GRK3: variants seen among roughly 807,000 people sequenced by gnomAD.
The protein encoded by GRK3 is adrenergic, beta, receptor kinase 2.
Under a neutral mutation model 95.7 loss-of-function variants are expected in GRK3, and 54 were observed. The observed-to-expected ratio is 0.56, with a 90% CI of 0.45 to 0.71. GRK3 has a LOEUF of 0.71. Among genes scored for constraint, GRK3 ranks in the 30% least tolerant of loss-of-function variants. The pLI is 0.00. For synonymous variants in GRK3, 281 were observed against 290.8 expected (o/e 0.97, Z 0.34); for missense variants, 649 against 851.2 (o/e 0.76, Z 2.96).
intron 1 of GRK3, among the ~76,000 whole-genome samples, chr22:25,588,704 G>T (rs1300760479): frequency 6.6e-6 from 1 of 151,842 alleles, no homozygotes; most frequent in Admixed American, 6.6e-5. Context: ...TCATTAAAAA[G>T]AATCTTTTGG....
chr22:25,659,161 G>C (rs2084893304), intron 3 of GRK3, among the ~76,000 whole-genome samples: 1 of 152,150 alleles, frequency 6.6e-6, no homozygotes, highest in Non-Finnish European at 1.5e-5. Context: ...AAGCAGAGGA[G>C]AGGAACTACC....
intron 3 of GRK3, among the ~76,000 whole-genome samples, chr22:25,650,841 C>T (rs1297569510): frequency 1.3e-5 from 2 of 152,140 alleles, no homozygotes; most frequent in African/African-American, 2.4e-5. Flanking sequence ...GGCTTTTATG[C>T]AAAACATTTT....
chr22:25,652,243 G>C (rs1470600355), intron 3 of GRK3, among the ~76,000 whole-genome samples: 4 of 152,016 alleles, frequency 2.6e-5, no homozygotes. Context: ...GACCATCCTG[G>C]CTAACACAGT....
rs373459746 is a variant in GRK3, at chr22:25,602,360, T to A, written c.114-2017T>A. ...GGATGTGGAACAACTGGAACTATCA[T>A]ACATTGTTGGTGGGATTGTAAAATG... On this transcript the variant is annotated intron_variant, in intron 1 of 20. Coordinates refer to ENST00000324198, the MANE Select transcript of GRK3 (RefSeq NM_005160.4). Among the ~76,000 whole-genome samples, 105 of 152,358 alleles carry A rather than the reference T, an allele frequency of 6.9e-4. 3 individuals carry two copies. In the South Asian group the frequency reaches 0.022, roughly 32 times the overall value.
intron 12 of GRK3, among the ~76,000 whole-genome samples, chr22:25,692,868 A>G (rs2085176308): frequency 6.6e-6 from 1 of 152,208 alleles, no homozygotes; most frequent in African/African-American, 2.4e-5. Flanking sequence ...TATTTAGTAC[A>G]AGACGGAAGA....
chr22:25,644,322 C>T lies in GRK3; in HGVS notation c.191-270C>T, dbSNP rs749903139. Among the ~76,000 whole-genome samples the T allele has an allele frequency of 5.3e-5, 8 of 150,788 alleles. No homozygotes were observed. In the South Asian group the frequency reaches 1.0e-3, roughly 20 times the overall value. On this transcript the variant is annotated intron_variant, in intron 2 of 20. Coordinates refer to ENST00000324198, the MANE Select transcript of GRK3 (RefSeq NM_005160.4). ...TGGTGGTGGTGAATGCCAGCCCTGT[C>T]GTATCATACTTTTGTGGAAAGTGGG... is the stretch of plus-strand genomic sequence containing the variant.
intron 3 of GRK3, among the ~76,000 whole-genome samples, chr22:25,654,555 T>C (rs2084856784): frequency 6.6e-6 from 1 of 152,230 alleles, no homozygotes; most frequent in Admixed American, 6.5e-5. Flanking sequence ...ATTATTTCAG[T>C]CTGAATCATA....
In GRK3 at chr22:25,565,010, ACCGCCG is replaced by A; in HGVS notation, c.-19_-14del. 6 of 1,212,808 alleles carry A rather than the reference ACCGCCG, an allele frequency of 4.9e-6. No homozygotes were observed. The highest frequency in any genetic ancestry group is 4.1e-5 in the South Asian group (3 of 72,836). The allele number at this position is 1,212,808 out of a possible 1,614,324, so 75.1% of individuals were successfully genotyped here. On this transcript the variant is annotated 5_prime_UTR_variant, in exon 1 of 21. Coordinates refer to ENST00000324198, the MANE Select transcript of GRK3 (RefSeq NM_005160.4). ...GCGCGTCCCGTCCAGGTCCGGAGTA[ACCGCCG>A]CCGCCGCCGCCAAAGCTCGCCAACA...
chr22:25,589,090 G>A (rs1932413230), intron 1 of GRK3, among the ~76,000 whole-genome samples: 1 of 152,142 alleles, frequency 6.6e-6, no homozygotes, highest in South Asian at 2.1e-4. Flanking sequence ...AGAAAACACT[G>A]TTTTACAAAC....
chr22:25,716,300 T>C (rs2085384380), intron 18 of GRK3, among the ~76,000 whole-genome samples: 1 of 152,170 alleles, frequency 6.6e-6, no homozygotes, highest in Non-Finnish European at 1.5e-5. Flanking sequence ...AAGCTCTTCT[T>C]TAGAGAACCG....
chr22:25,682,980 C>T (rs546509977), intron 9 of GRK3, among the ~76,000 whole-genome samples: 2 of 152,364 alleles, frequency 1.3e-5, no homozygotes, highest in South Asian at 4.1e-4. Flanking sequence ...TGTGGTGTTG[C>T]CCACGGCTGT....
intron 3 of GRK3, among the ~76,000 whole-genome samples, chr22:25,656,634 C>T (rs1276043048): frequency 6.6e-6 from 1 of 152,102 alleles, no homozygotes; most frequent in East Asian, 1.9e-4. Context: ...CTGGCATAAC[C>T]AATATTTATT....
rs143259502 is a variant in GRK3, at chr22:25,688,931, A to G, written c.958-1258A>G. 5.1e-3 allele frequency among the ~76,000 whole-genome samples: 776 copies of G among 152,378 alleles called. 11 individuals are homozygous for G. The highest frequency in any genetic ancestry group is 0.018 in the African/African-American group (741 of 41,592). The stretch of plus-strand genomic sequence containing the variant: ...TTCCAGGAGAATGTGTTTGCCTCTC[A>G]TTTCAGATGCCTTCTTGAATGAACC... On this transcript the variant is annotated intron_variant, in intron 11 of 20. Coordinates refer to ENST00000324198, the MANE Select transcript of GRK3 (RefSeq NM_005160.4).
At position 25,722,632 on chromosome 22, in the gene GRK3, A is replaced by T. The variant is rs1282812645; in HGVS notation, c.*182A>T. 3.6e-6 allele frequency: 2 copies of T among 549,452 alleles called. No homozygotes were observed. The highest frequency in any genetic ancestry group is 6.3e-6 in the Non-Finnish European group (2 of 316,776). The allele number at this position is 549,452 out of a possible 1,614,324, so 34.0% of individuals were successfully genotyped here. A position where few individuals can be genotyped will look rare whatever the true frequency, so the allele number is the denominator to read the frequency against. The stretch of plus-strand genomic sequence containing the variant: ...GCCTTGTCACATTTGTCTGCATTAG[A>T]AACTACTGAAGAAATAAAAGTTCTT... On this transcript the variant is annotated 3_prime_UTR_variant, in exon 21 of 21. Transcript: ENST00000324198.
rs930101249 is a variant in GRK3 at position 25,674,604 on chromosome 22, A to G, written c.647+76A>G. The G allele has an allele frequency of 5.5e-6, 6 of 1,097,230 alleles. No individual in the cohort carries two copies. In the Admixed American group the frequency reaches 9.6e-5, roughly 18 times the overall value. The allele number at this position is 1,097,230 out of a possible 1,614,324, so 68.0% of individuals were successfully genotyped here. On this transcript the variant is annotated intron_variant, in intron 8 of 20. Coordinates refer to ENST00000324198, the MANE Select transcript of GRK3 (RefSeq NM_005160.4). Reference sequence around the variant, plus strand: ...TTTGCATGAAAAGAAAATTCCTATAAAGAAATGTGGAAACCTATGACATTT... The same window carrying G: ...TTTGCATGAAAAGAAAATTCCTATAGAGAAATGTGGAAACCTATGACATTT...
chr22:25,722,680 A>G lies in GRK3; in HGVS notation c.*230A>G. The stretch of plus-strand genomic sequence containing the variant: ...CTTTTTCTTTGCTACACACTTTGGT[A>G]CCTATGAACCTAGAACTTGAAGTGA... On this transcript the variant is annotated 3_prime_UTR_variant, in exon 21 of 21. Coordinates refer to ENST00000324198, the MANE Select transcript of GRK3 (RefSeq NM_005160.4). 1 of 439,740 alleles carries G rather than the reference A, an allele frequency of 2.3e-6. No homozygotes were observed. 27.2% of individuals were successfully genotyped at this position (439,740 alleles called of 1,614,324 possible).
chr22:25,589,312 A>G (rs1932419080), intron 1 of GRK3, among the ~76,000 whole-genome samples: 1 of 152,190 alleles, frequency 6.6e-6, no homozygotes, highest in Admixed American at 6.5e-5. Flanking sequence ...TAAGGTGTTG[A>G]CGTACAACCT....
At chr22:25,681,639 C>T (rs1247103484) in intron 9 of GRK3, among the ~76,000 whole-genome samples, 5 of 152,288 alleles carry the variant, frequency 3.3e-5, no homozygotes, top group African/African-American at 1.2e-4. Context: ...AGAGAGAGAC[C>T]ATAATCAGCC....
intron 3 of GRK3, among the ~76,000 whole-genome samples, chr22:25,657,033 G>A (rs1014649949): frequency 1.3e-5 from 2 of 152,198 alleles, no homozygotes; most frequent in Admixed American, 6.5e-5. Context: ...AACAGGACTA[G>A]TGTGGTCTGG....
Sources: allele counts gnomAD v4.1 joint callset (sites outside exome capture counted in the v4.1 genomes callset), GRCh38; gene constraint gnomAD v4.1.1; transcripts MANE v1.5; gene names NCBI Gene and HGNC (gene_info 2026-07-23, HGNC 2026-07-21).